Variants in ARHGAP32 observed in about 807,000 individuals in gnomAD.
The protein encoded by ARHGAP32 is rho GTPase-activating protein 32.
In ARHGAP32, 51 loss-of-function variants were observed where a neutral mutation model predicts 186.5. The ratio of observed to expected loss-of-function variants is 0.27; its 90% CI spans 0.22 to 0.35. ARHGAP32 has a LOEUF of 0.35. Among genes scored for constraint, ARHGAP32 ranks in the 10% least tolerant of loss-of-function variants. ARHGAP32 has a pLI of 1.00. For missense variants in ARHGAP32, 2,186 were observed against 2,623.5 expected, an observed-to-expected ratio of 0.83 and a Z score of 3.64; for synonymous variants, 950 against 964.3, an observed-to-expected ratio of 0.99 and a Z score of 0.27.
At chr11:129,016,913 T>A (rs1188187063) in intron 11 of ARHGAP32, among the ~76,000 whole-genome samples, 1 of 152,242 alleles carries the variant, frequency 6.6e-6, no homozygotes, top group Admixed American at 6.5e-5. Flanking sequence ...TTTCCTTTCA[T>A]AAAAGTCTTA....
Position 128,981,569 on chromosome 11 carries a change from G to A in ARHGAP32, c.1635-8C>T, listed in dbSNP as rs1278164001. 1.2e-6 allele frequency: 2 copies of A among 1,603,944 alleles called. No individual in the cohort carries two copies. Among genetic ancestry groups the A allele is most frequent in the Middle Eastern group, 1.7e-4 (1 of 6,012 alleles). On this transcript the variant is annotated splice_polypyrimidine_tract_variant and splice_region_variant and intron_variant, in intron 16 of 22. Transcript: ENST00000682385. The stretch of plus-strand genomic sequence containing the variant: ...GATTCTATCTGTTTTGATCTGTGAG[G>A]TAAACATTTTCATCACAGAGTTGTA...
chr11:129,068,936 C>A (rs986365730), intron 6 of ARHGAP32, among the ~76,000 whole-genome samples: 5 of 151,990 alleles, frequency 3.3e-5, no homozygotes, highest in African/African-American at 1.2e-4. Flanking sequence ...AGGTAGTTTG[C>A]TGAAATTTTC....
intron 1 of ARHGAP32, among the ~76,000 whole-genome samples, chr11:129,218,393 T>C (rs545532192): frequency 1.1e-4 from 16 of 152,096 alleles, no homozygotes; most frequent in Admixed American, 6.6e-5. Context: ...TTTCAAGTTC[T>C]TTAGAGAGAT....
intron 11 of ARHGAP32, among the ~76,000 whole-genome samples, chr11:129,032,716 C>A (rs1296653914): frequency 6.6e-6 from 1 of 152,122 alleles, no homozygotes; most frequent in East Asian, 1.9e-4. Flanking sequence ...AAAGAATATT[C>A]ATCTGGATGG....
intron 5 of ARHGAP32, among the ~76,000 whole-genome samples, chr11:129,121,765 T>C (rs1227561824): frequency 1.3e-5 from 2 of 151,972 alleles, no homozygotes; most frequent in Non-Finnish European, 2.9e-5. Flanking sequence ...AAAATGAAGA[T>C]TACAGGTCTG....
In ARHGAP32 at chr11:128,972,932, C is replaced by A; in HGVS notation, c.3574G>T (p.Asp1192Tyr). 2 of 1,613,996 alleles carry A rather than the reference C, an allele frequency of 1.2e-6. No homozygotes were observed. The highest frequency in any genetic ancestry group is 1.1e-5 in the South Asian group (1 of 91,076). ...SVPLDSEKSD[D>Y]HVSFPEDQSG... Reference sequence around the variant, plus strand: ...TGGTCTTCAGGGAAACTTACATGATCATCAGACTTCTCTGAGTCTAAGGGA... The same window carrying A: ...TGGTCTTCAGGGAAACTTACATGATAATCAGACTTCTCTGAGTCTAAGGGA... The change falls in exon 22 of 23, where the codon GAT (aspartate) becomes TAT (tyrosine). Residue 1192 changes from aspartate (D) to tyrosine (Y), a missense_variant. This residue lies in a region of ARHGAP32 where 1,502 missense variants were observed against 1,570.0 expected (regional missense o/e 0.96). Transcript: ENST00000682385.
At position 129,202,053 on chromosome 11, in the gene ARHGAP32, T is replaced by C. The variant is rs577091794; in HGVS notation, c.-4-37626A>G. 3.6e-4 allele frequency among the ~76,000 whole-genome samples: 54 copies of C among 152,030 alleles called. No individual in the cohort carries two copies. In the Middle Eastern group the frequency reaches 0.01, roughly 29 times the overall value. On this transcript the variant is annotated intron_variant, in intron 1 of 6. Coordinates refer to the ARHGAP32 transcript ENST00000525234. ...ATGTGTGTGTATATATACACACATATACATATATATATACAAGTACATATA... is the reference window on the plus strand; with the variant it reads ...ATGTGTGTGTATATATACACACATACACATATATATATACAAGTACATATA...
intron 2 of ARHGAP32, among the ~76,000 whole-genome samples, chr11:129,161,458 A>G (rs1253943879): frequency 6.6e-6 from 1 of 150,580 alleles, no homozygotes; most frequent in East Asian, 1.9e-4. Flanking sequence ...ACAAATTTAC[A>G]AGAAAAAAAA....
intron 1 of ARHGAP32, among the ~76,000 whole-genome samples, chr11:129,237,825 A>G (rs1944956303): frequency 6.6e-6 from 1 of 152,206 alleles, no homozygotes. Flanking sequence ...CTCTCCTTAC[A>G]CTGAGAAGGA....
intron 6 of ARHGAP32, among the ~76,000 whole-genome samples, chr11:129,088,185 C>T (rs748485287): frequency 7.9e-5 from 12 of 152,176 alleles, no homozygotes; most frequent in South Asian, 6.2e-4. Context: ...TCTAAAACTA[C>T]GTTAAATTCA....
Position 129,191,668 on chromosome 11 carries a change from A to ACG in ARHGAP32, c.116+413_116+414dup, listed in dbSNP as rs763653053. On this transcript the variant is annotated intron_variant, in intron 1 of 22. Transcript: ENST00000682385. ...AAACAAAGCAGGCAGGCAGGCAGGC[A>ACG]CGCACACACACACACACACACACAC... Among the ~76,000 whole-genome samples, 721 of 75,538 alleles carry ACG rather than the reference A, an allele frequency of 9.5e-3. 5 individuals carry two copies. Among genetic ancestry groups the ACG allele is most frequent in the African/African-American group, 0.012 (318 of 26,212 alleles). The allele number at this position is 75,538 out of a possible 152,430, so 49.6% of individuals were successfully genotyped here. A position where few individuals can be genotyped will look rare whatever the true frequency, so the allele number is the denominator to read the frequency against.
chr11:129,247,967 T>A (rs1945123154), intron 1 of ARHGAP32, among the ~76,000 whole-genome samples: 1 of 152,110 alleles, frequency 6.6e-6, no homozygotes, highest in African/African-American at 2.4e-5. Flanking sequence ...CCCAAACATC[T>A]TCCCCCTGAA....
rs1326234205 is a variant in ARHGAP32, at chr11:128,981,189, GTTT to G, written c.1780+224_1780+226del. On this transcript the variant is annotated intron_variant, in intron 17 of 22. Transcript: ENST00000682385. ...AATACACATCAATAATGAACGACAA[GTTT>G]TTTAATGTGTCATGAACTTAGATCA... Among the ~76,000 whole-genome samples the G allele has an allele frequency of 3.9e-5, 6 of 152,280 alleles. No homozygotes were observed. The East Asian group carries it at 1.2e-3, about 29-fold the overall frequency.
intron 1 of ARHGAP32, among the ~76,000 whole-genome samples, chr11:129,203,718 CAAA>C (rs375747287): frequency 2.5e-5 from 2 of 81,604 alleles, no homozygotes; most frequent in Admixed American, 1.4e-4. Flanking sequence ...CTTGTCTCTA[CAAA>C]AAAAAAAAAA....
intron 1 of ARHGAP32, among the ~76,000 whole-genome samples, chr11:129,209,668 C>CT (rs1281770361): frequency 6.9e-6 from 1 of 144,772 alleles, no homozygotes; most frequent in Non-Finnish European, 1.5e-5. Context: ...ACAAATTTTG[C>CT]AAAAAAAAAA....
chr11:128,996,786 A>AT (rs1003359619), intron 12 of ARHGAP32, among the ~76,000 whole-genome samples: 155 of 149,762 alleles, frequency 1.0e-3, no homozygotes, highest in East Asian at 3.5e-3. Context: ...TAAAAAGAAA[A>AT]TTTTTTTTTT....
intron 11 of ARHGAP32, among the ~76,000 whole-genome samples, chr11:129,026,679 G>A (rs1460581046): frequency 6.6e-6 from 1 of 151,832 alleles, no homozygotes; most frequent in East Asian, 1.9e-4. Flanking sequence ...TGTAATCTCA[G>A]CTACTCAGGA....
chr11:129,091,011 T>C (rs1352264224), intron 6 of ARHGAP32, among the ~76,000 whole-genome samples: 1 of 152,172 alleles, frequency 6.6e-6, no homozygotes, highest in Non-Finnish European at 1.5e-5. Context: ...GTTCGTTTAC[T>C]CAGAGAACAG....
chr11:129,261,060 G>A (rs1228613432), intron 1 of ARHGAP32, among the ~76,000 whole-genome samples: 2 of 150,898 alleles, frequency 1.3e-5, no homozygotes, highest in Non-Finnish European at 2.9e-5. Flanking sequence ...GGTGCTAAAC[G>A]CCACACTCCT....
Sources: gnomAD v4.1 joint callset for allele counts (sites outside exome capture counted in the v4.1 genomes callset) on GRCh38, gnomAD v4.1.1 for gene constraint, gnomAD v4.1.1 regional missense constraint, MANE v1.5 for transcripts, NCBI Gene and HGNC (gene_info 2026-07-23, HGNC 2026-07-21) for gene names.